The following SUSD4 variants were observed in gnomAD, a reference collection of about 807,000 sequenced individuals.
The protein encoded by SUSD4 is sushi domain containing 4, also known as sushi domain-containing protein 4.
In SUSD4, 41 loss-of-function variants were observed where a neutral mutation model predicts 50.5. That is an observed-to-expected ratio of 0.81 (90% CI 0.63 to 1.05). The LOEUF (loss-of-function observed/expected upper bound fraction) is 1.05, where lower values mean the gene tolerates loss of function less well. SUSD4 is among the 50% of genes least tolerant of loss of function. SUSD4 has a pLI of 0.00. For synonymous variants in SUSD4, 257 were observed against 257.3 expected, an observed-to-expected ratio of 1.00 and a Z score of 0.01; for missense variants, 580 against 634.7, an observed-to-expected ratio of 0.91 and a Z score of 0.93.
chr1:223,315,721 G>GA (rs919615773), intron 2 of SUSD4, among the ~76,000 whole-genome samples: 5 of 151,674 alleles, frequency 3.3e-5, no homozygotes, highest in Admixed American at 2.0e-4. Context: ...AAATTCATCT[G>GA]AAAAAAAAAT....
At chr1:223,281,303 G>A (rs927321592) in intron 3 of SUSD4, among the ~76,000 whole-genome samples, 1 of 152,108 alleles carries the variant, frequency 6.6e-6, no homozygotes. Context: ...ACAGGAGCTG[G>A]TTTTCTGAAA....
chr1:223,283,855 GA>G (rs1349696123), intron 3 of SUSD4, among the ~76,000 whole-genome samples: 1 of 152,154 alleles, frequency 6.6e-6, no homozygotes, highest in Non-Finnish European at 1.5e-5. Context: ...TGATAGACTG[GA>G]TTAAGAAAAT....
chr1:223,276,732 G>A (rs1663300586), intron 3 of SUSD4, among the ~76,000 whole-genome samples: 1 of 152,150 alleles, frequency 6.6e-6, no homozygotes, highest in African/African-American at 2.4e-5. Context: ...GTGGTCCTGG[G>A]GACAGGTAGA....
chr1:223,352,127 A>T (rs1668403667), intron 2 of SUSD4, among the ~76,000 whole-genome samples: 1 of 152,248 alleles, frequency 6.6e-6, no homozygotes, highest in African/African-American at 2.4e-5. Flanking sequence ...TTTTAATAGC[A>T]GCAATGACAG....
intron 2 of SUSD4, among the ~76,000 whole-genome samples, chr1:223,322,141 T>TATAA (rs3036643): frequency 0.53 from 80,266 of 151,762 alleles, 21,210 homozygotes; most frequent in African/African-American, 0.55. Flanking sequence ...TAATTGATGA[T>TATAA]ATGAGATTGT....
chr1:223,246,930 G>A (rs1460309460), intron 5 of SUSD4, among the ~76,000 whole-genome samples: 1 of 152,202 alleles, frequency 6.6e-6, no homozygotes, highest in Non-Finnish European at 1.5e-5. Context: ...GGAAGCAGAA[G>A]AATGTAGAAT....
intron 2 of SUSD4, among the ~76,000 whole-genome samples, chr1:223,340,719 C>T (rs1326258977): frequency 6.6e-6 from 1 of 152,194 alleles, no homozygotes; most frequent in Non-Finnish European, 1.5e-5. Flanking sequence ...TGTCCCTTCT[C>T]AGCCCTGTGA....
intron 2 of SUSD4, among the ~76,000 whole-genome samples, chr1:223,351,228 T>C (rs1171511775): frequency 6.6e-6 from 1 of 152,220 alleles, no homozygotes; most frequent in Middle Eastern, 3.2e-3. Context: ...GGCCCTTATT[T>C]CCCCTCATCT....
At chr1:223,264,872 C>A in intron 4 of SUSD4, 54 bp from the exon 5 acceptor site, 1 of 1,563,934 alleles carries the variant, frequency 6.4e-7, no homozygotes, top group Admixed American at 1.8e-5. Context: ...CTCTGTACAT[C>A]GAAAAGTCAC....
At chr1:223,238,529 T>G (rs1306576140) in intron 5 of SUSD4, among the ~76,000 whole-genome samples, 1 of 152,020 alleles carries the variant, frequency 6.6e-6, no homozygotes, top group Non-Finnish European at 1.5e-5. Context: ...CCCACAAATG[T>G]TGACAAGTTG....
chr1:223,327,194 G>A (rs1186387658), intron 2 of SUSD4, among the ~76,000 whole-genome samples: 1 of 152,188 alleles, frequency 6.6e-6, no homozygotes, highest in African/African-American at 2.4e-5. Context: ...CTTGGATGGA[G>A]CTGGAGGCCA....
intron 3 of SUSD4, among the ~76,000 whole-genome samples, chr1:223,275,997 G>C (rs1198528386): frequency 1.3e-5 from 2 of 152,200 alleles, no homozygotes; most frequent in Non-Finnish European, 2.9e-5. Context: ...TCAGTAATAG[G>C]ACTCACAGGA....
chr1:223,292,739 A>G, intron 2 of SUSD4, 88 bp from the exon 3 acceptor site: 1 of 1,388,908 alleles, frequency 7.2e-7, no homozygotes. Flanking sequence ...ACCCTGCATG[A>G]TGTCATACGC....
At chr1:223,306,495 A>T (rs971948040) in intron 2 of SUSD4, among the ~76,000 whole-genome samples, 2 of 152,096 alleles carry the variant, frequency 1.3e-5, no homozygotes, top group African/African-American at 4.8e-5. Flanking sequence ...AGGCATGGGT[A>T]ATTTTTTTGT....
rs376282352 is a variant in SUSD4, at chr1:223,223,275, G to A, written c.1418C>T (p.Thr473Ile). 1.7e-5 allele frequency: 27 copies of A among 1,556,782 alleles called. No homozygotes were observed. In the African/African-American group the frequency reaches 3.4e-4, roughly 20 times the overall value. Reference protein sequence around the residue: ...IASTAEEVASTSPGIDIADEI... With the variant: ...IASTAEEVASISPGIDIADEI... The stretch of plus-strand genomic sequence containing the variant: ...ATCTGCAATGTCGATGCCTGGGCTG[G>A]TGGATGCCACCTCCTCTGCCGTGCT... Residue 473 changes from threonine to isoleucine, a missense_variant, in exon 8 of 9, where the codon ACC (threonine) becomes ATC (isoleucine). Thr to Ile is a moderately conservative substitution (Grantham distance 89). Transcript: ENST00000366878.
chr1:223,338,290 G>A (rs758241842), intron 2 of SUSD4, among the ~76,000 whole-genome samples: 4 of 152,156 alleles, frequency 2.6e-5, no homozygotes, highest in East Asian at 1.9e-4. Context: ...GTTCTCAGCC[G>A]AATTTCTGGG....
rs560205033 is a variant in SUSD4, at chr1:223,290,740, C to CT, written c.361+1698dup. On this transcript the variant is annotated intron_variant, in intron 3 of 8. Coordinates refer to ENST00000366878, the MANE Select transcript of SUSD4 (RefSeq NM_017982.4). Reference sequence around the variant, plus strand: ...ACCAGTACAATAGAAGCCCCCTACTCTAAGGTGATTTCTCACCCCCTTTCT... The same window carrying CT: ...ACCAGTACAATAGAAGCCCCCTACTCTTAAGGTGATTTCTCACCCCCTTTCT... Among the ~76,000 whole-genome samples, 6 of 134,012 alleles carry CT rather than the reference C, an allele frequency of 4.5e-5. No homozygotes were observed. The East Asian group carries it at 1.5e-3, about 33-fold the overall frequency. The allele number at this position is 134,012 out of a possible 152,430, so 87.9% of individuals were successfully genotyped here.
chr1:223,350,055 G>A (rs933697940), intron 2 of SUSD4, among the ~76,000 whole-genome samples: 5 of 152,178 alleles, frequency 3.3e-5, no homozygotes, highest in Admixed American at 1.3e-4. Context: ...AACACAGCAA[G>A]AAGGCAGCTG....
intron 2 of SUSD4, among the ~76,000 whole-genome samples, chr1:223,358,422 T>C (rs962134763): frequency 1.3e-5 from 2 of 152,254 alleles, no homozygotes; most frequent in Non-Finnish European, 1.5e-5. Context: ...GGACAGAGGC[T>C]GAACTTGAGT....
Sources: allele counts gnomAD v4.1 joint callset (sites outside exome capture counted in the v4.1 genomes callset), GRCh38; gene constraint gnomAD v4.1.1; transcripts MANE v1.5; gene names NCBI Gene and HGNC (gene_info 2026-07-23, HGNC 2026-07-21).